Variants in LINGO2 observed in about 807,000 individuals in gnomAD.
LINGO2 encodes leucine rich repeat and Ig domain containing 2, also known as leucine-rich repeat and immunoglobulin-like domain-containing nogo receptor-interacting protein 2.
Under a neutral mutation model 30.6 loss-of-function variants are expected in LINGO2, and 14 were observed. The observed-to-expected ratio is 0.46, with a 90% CI of 0.30 to 0.72. The LOEUF (loss-of-function observed/expected upper bound fraction) is 0.72. LINGO2 is among the 30% of genes least tolerant of loss of function. LINGO2 has a pLI of 0.07. For synonymous variants in LINGO2, 317 were observed against 288.5 expected (o/e 1.10, Z -1.00); for missense variants, 729 against 751.7 (o/e 0.97, Z 0.35).
At chr9:27,962,953 G>A (rs987594070) in intron 5 of LINGO2, among the ~76,000 whole-genome samples, 5 of 152,008 alleles carry the variant, frequency 3.3e-5, no homozygotes, top group South Asian at 2.1e-4. Context: ...TACATTTTTC[G>A]TATGCTGGGT....
At chr9:28,412,567 G>A (rs1822812210) in intron 2 of LINGO2, among the ~76,000 whole-genome samples, 1 of 151,984 alleles carries the variant, frequency 6.6e-6, no homozygotes, top group African/African-American at 2.4e-5. Context: ...AATGAATTCA[G>A]CAAAATAGCA....
At chr9:28,049,112 T>G (rs1275645046) in intron 4 of LINGO2, among the ~76,000 whole-genome samples, 1 of 151,060 alleles carries the variant, frequency 6.6e-6, no homozygotes, top group African/African-American at 2.4e-5. Flanking sequence ...ACTAAGTGTA[T>G]GCAATGCCTT....
At chr9:28,474,407 GAC>G (rs1825647132) in intron 2 of LINGO2, among the ~76,000 whole-genome samples, 1 of 28,454 alleles carries the variant, frequency 3.5e-5, no homozygotes, top group Admixed American at 4.3e-4. Context: ...AAAAAGAAGA[GAC>G]ATAAAAAAAC....
chr9:29,013,175 T>G, the LINGO2 span, among the ~76,000 whole-genome samples: 1 of 152,192 alleles, frequency 6.6e-6, no homozygotes, highest in African/African-American at 2.4e-5. Flanking sequence ...AGCCAGATTC[T>G]TATAACTTCA....
chr9:28,388,238 G>A (rs1821678810), intron 2 of LINGO2, among the ~76,000 whole-genome samples: 1 of 152,084 alleles, frequency 6.6e-6, no homozygotes, highest in African/African-American at 2.4e-5. Flanking sequence ...TTATGCATCT[G>A]TTGTTTGTTA....
chr9:28,098,366 C>T (rs531837666), intron 4 of LINGO2, among the ~76,000 whole-genome samples: 8 of 151,992 alleles, frequency 5.3e-5, no homozygotes, highest in South Asian at 2.1e-4. Context: ...TTGAATTTTA[C>T]GTTTTAATGG....
At chr9:28,763,019 A>T in the LINGO2 span, among the ~76,000 whole-genome samples, 5 of 152,124 alleles carry the variant, frequency 3.3e-5, no homozygotes, top group African/African-American at 1.2e-4. Flanking sequence ...AATGTTATCT[A>T]CTTCACAGTT....
intron 4 of LINGO2, among the ~76,000 whole-genome samples, chr9:28,065,612 T>C (rs896354216): frequency 1.3e-5 from 2 of 152,304 alleles, no homozygotes; most frequent in Non-Finnish European, 2.9e-5. Flanking sequence ...GATAGATTCA[T>C]GACACTGGCT....
At chr9:28,661,116 A>C (rs370579454) in intron 1 of LINGO2, among the ~76,000 whole-genome samples, 1 of 152,164 alleles carries the variant, frequency 6.6e-6, no homozygotes, top group African/African-American at 2.4e-5. Flanking sequence ...ATGGGCTTGT[A>C]ACCTGCTTTG....
chr9:28,813,551 A>G, the LINGO2 span, among the ~76,000 whole-genome samples: 1 of 152,166 alleles, frequency 6.6e-6, no homozygotes, highest in Non-Finnish European at 1.5e-5. Context: ...TCCTTCCATT[A>G]TTTAATGCAT....
intron 2 of LINGO2, 92 bp downstream of exon 4, chr9:28,475,848 C>G (rs1488012599): frequency 1.3e-5 from 2 of 152,604 alleles, no homozygotes; most frequent in African/African-American, 2.4e-5. Context: ...ATTTTAGAAG[C>G]TTTCTCATTT....
At chr9:28,913,653 G>A in the LINGO2 span, among the ~76,000 whole-genome samples, 1 of 151,864 alleles carries the variant, frequency 6.6e-6, no homozygotes, top group African/African-American at 2.4e-5. Flanking sequence ...TTGTAGATTT[G>A]TCAGGTCCTT....
At chr9:27,977,319 A>G (rs980848879) in intron 5 of LINGO2, among the ~76,000 whole-genome samples, 2 of 151,834 alleles carry the variant, frequency 1.3e-5, no homozygotes, top group Non-Finnish European at 2.9e-5. Context: ...GAAGGCTTCA[A>G]CTGCTGGGAA....
At chr9:29,005,946 G>C in the LINGO2 span, among the ~76,000 whole-genome samples, 1 of 151,906 alleles carries the variant, frequency 6.6e-6, no homozygotes, top group East Asian at 1.9e-4. Flanking sequence ...ACAGATACGA[G>C]ACCAATGGAT....
the LINGO2 span, among the ~76,000 whole-genome samples, chr9:29,055,447 G>T: frequency 6.6e-6 from 1 of 152,016 alleles, no homozygotes; most frequent in African/African-American, 2.4e-5. Flanking sequence ...GTAGTCATTT[G>T]TCGGTCTATG....
At position 28,324,766 on chromosome 9, in the gene LINGO2, A is replaced by T. The variant is rs187250683; in HGVS notation, c.-245-29400T>A. ...CCTTCCCCAGAAAACTCATGAATAA[A>T]CTAACCCTTGTTTAACATATAATCA... On this transcript the variant is annotated intron_variant, in intron 3 of 5. Transcript: ENST00000379992. Among the ~76,000 whole-genome samples the T allele has an allele frequency of 1.3e-3, 194 of 152,224 alleles. 1 individual carries two copies. The highest frequency in any genetic ancestry group is 2.2e-3 in the Non-Finnish European group (149 of 68,018).
rs142688271 is a variant in LINGO2 at position 28,032,205 on chromosome 9, T to TAA, written c.-86-19802_-86-19801dup. Among the ~76,000 whole-genome samples, 52 of 141,850 alleles carry TAA rather than the reference T, an allele frequency of 3.7e-4. 1 individual carries two copies. Among genetic ancestry groups the TAA allele is most frequent in the African/African-American group, 1.2e-3 (48 of 39,512 alleles). The allele number at this position is 141,850 out of a possible 152,430, so 93.1% of individuals were successfully genotyped here. Reference sequence around the variant, plus strand: ...TCCACACAGGATCTAATTCAAGTCTTAAAAAAAAAATACAACATGATAAAA... The same window carrying TAA: ...TCCACACAGGATCTAATTCAAGTCTTAAAAAAAAAAAATACAACATGATAAAA... On this transcript the variant is annotated intron_variant, in intron 4 of 5. Coordinates refer to ENST00000379992, the Ensembl canonical transcript of LINGO2.
At chr9:29,195,846 A>T in the LINGO2 span, among the ~76,000 whole-genome samples, 1 of 152,128 alleles carries the variant, frequency 6.6e-6, no homozygotes, top group East Asian at 1.9e-4. Flanking sequence ...CATTTTTAAT[A>T]CCACAGATAC....
chr9:29,123,838 T>C, the LINGO2 span, among the ~76,000 whole-genome samples: 1 of 152,142 alleles, frequency 6.6e-6, no homozygotes, highest in Non-Finnish European at 1.5e-5. Flanking sequence ...TGTTATCCTG[T>C]GTTCTGTGTC....
Sources: allele counts gnomAD v4.1 joint callset (sites outside exome capture counted in the v4.1 genomes callset), GRCh38; gene constraint gnomAD v4.1.1; transcripts MANE v1.5; gene names NCBI Gene and HGNC (gene_info 2026-07-23, HGNC 2026-07-21).